The following ARFGEF2 variants were observed in gnomAD, a reference collection of about 807,000 sequenced individuals.
The protein encoded by ARFGEF2 is ARF guanine nucleotide exchange factor 2.
ARFGEF2 carries 74 observed loss-of-function variants against 219.9 expected under a neutral mutation model. That is an observed-to-expected ratio of 0.34 (90% CI 0.28 to 0.41). ARFGEF2 has a LOEUF of 0.41. ARFGEF2 is among the 10% of genes least tolerant of loss of function. The probability of loss-of-function intolerance (pLI) is 1.00; values close to 1 mark genes in which losing one functional copy is unlikely to be tolerated. For missense variants in ARFGEF2, 1,743 were observed against 2,218.3 expected, an observed-to-expected ratio of 0.79 and a Z score of 4.30; for synonymous variants, 733 against 799.2, an observed-to-expected ratio of 0.92 and a Z score of 1.40.
At chr20:48,965,623 T>C (rs983760898) in intron 7 of ARFGEF2, among the ~76,000 whole-genome samples, 10 of 152,334 alleles carry the variant, frequency 6.6e-5, no homozygotes, top group South Asian at 2.1e-4. Context: ...GGAGGCACCA[T>C]TGATCTGGAG....
chr20:48,978,142 A>G (rs2091273701), intron 14 of ARFGEF2, among the ~76,000 whole-genome samples: 1 of 152,144 alleles, frequency 6.6e-6, no homozygotes, highest in African/African-American at 2.4e-5. Flanking sequence ...TCCATCTTGA[A>G]TTAATTTTTG....
chr20:48,941,217 T>C lies in ARFGEF2; in HGVS notation c.140T>C (p.Ile47Thr), dbSNP rs752815154. The C allele has an allele frequency of 6.2e-7, 1 of 1,613,542 alleles. No homozygotes were observed. Among genetic ancestry groups the C allele is most frequent in the Non-Finnish European group, 8.5e-7 (1 of 1,179,656 alleles). ...TTACCAGATGAAATTAAAGCAGAAA[T>C]AGAAAAGCAGAGGTAAGCTATAGCA... ...QVALDEIKAE[I>T]EKQRLGTAAP... Residue 47 changes from isoleucine (I) to threonine (T), a missense_variant, in exon 2 of 39, where the codon ATA becomes ACA. Transcript: ENST00000371917.
chr20:49,007,736 T>C (rs1306249318), intron 26 of ARFGEF2, among the ~76,000 whole-genome samples: 1 of 152,128 alleles, frequency 6.6e-6, no homozygotes, highest in Non-Finnish European at 1.5e-5. Flanking sequence ...ATGTCTGCTT[T>C]ATTGCTCATT....
At chr20:49,006,381 G>A (rs1034841400) in intron 26 of ARFGEF2, among the ~76,000 whole-genome samples, 14 of 152,148 alleles carry the variant, frequency 9.2e-5, no homozygotes, top group Non-Finnish European at 1.6e-4. Context: ...TGGGCATACA[G>A]GAGTTCATTA....
intron 14 of ARFGEF2, among the ~76,000 whole-genome samples, chr20:48,977,856 C>A (rs1317466974): frequency 6.6e-6 from 1 of 152,030 alleles, no homozygotes; most frequent in Non-Finnish European, 1.5e-5. Context: ...TGTTTAAGTT[C>A]TTTGTAGATT....
intron 30 of ARFGEF2, 70 bp downstream of exon 30, chr20:49,014,030 T>G (rs1568738318): frequency 4.4e-6 from 7 of 1,599,372 alleles, no homozygotes; most frequent in Non-Finnish European, 4.3e-6. Context: ...TATTTGCCTC[T>G]GGGGGCTGCA....
Position 48,968,241 on chromosome 20 carries a change from C to T in ARFGEF2, c.1060-906C>T, listed in dbSNP as rs1478260845. 3.3e-5 allele frequency among the ~76,000 whole-genome samples: 5 copies of T among 152,196 alleles called. No homozygotes were observed. The East Asian group carries it at 9.6e-4, about 29-fold the overall frequency. On this transcript the variant is annotated intron_variant, in intron 8 of 38. Transcript: ENST00000371917. ...ATCTCCTGACCTCGTGATTCGCCCGCCTCAGCCTCCCAAAGTGCTGGGATT... is the reference window on the plus strand; with the variant it reads ...ATCTCCTGACCTCGTGATTCGCCCGTCTCAGCCTCCCAAAGTGCTGGGATT...
chr20:48,960,746 G>A (rs1163723662), intron 6 of ARFGEF2, among the ~76,000 whole-genome samples: 1 of 150,698 alleles, frequency 6.6e-6, no homozygotes, highest in East Asian at 2.0e-4. Context: ...GCCTCCCAAA[G>A]TGCTGGGATT....
Position 49,017,461 on chromosome 20 carries a change from C to T in ARFGEF2, c.4455-35C>T, listed in dbSNP as rs1568740131. On this transcript the variant is annotated intron_variant, in intron 32 of 38. Coordinates refer to ENST00000371917, the MANE Select transcript of ARFGEF2 (RefSeq NM_006420.3). ...TCTTAAAGCTCCTGATTGCCTTTCA[C>T]ATTGATTATTTTTTTTCTCTATTTT... 3.1e-6 allele frequency: 5 copies of T among 1,605,554 alleles called. No individual in the cohort carries two copies. In the Middle Eastern group the frequency reaches 5.0e-4, roughly 159 times the overall value.
At chr20:48,976,724 C>T (rs1600627336) in intron 14 of ARFGEF2, among the ~76,000 whole-genome samples, 1 of 152,034 alleles carries the variant, frequency 6.6e-6, no homozygotes, top group Admixed American at 6.6e-5. Context: ...AGGAGAATGG[C>T]GTGAACCTGG....
intron 1 of ARFGEF2, among the ~76,000 whole-genome samples, chr20:48,938,478 G>A (rs907654402): frequency 4.6e-5 from 7 of 152,040 alleles, no homozygotes; most frequent in African/African-American, 1.4e-4. Flanking sequence ...TATTTTTGAG[G>A]TGCATTGATA....
At chr20:48,986,031 C>T (rs1221635859) in intron 16 of ARFGEF2, among the ~76,000 whole-genome samples, 1 of 152,088 alleles carries the variant, frequency 6.6e-6, no homozygotes, top group Non-Finnish European at 1.5e-5. Flanking sequence ...ACAGAAATAG[C>T]TACATAACTA....
At chr20:49,005,337 A>G in intron 26 of ARFGEF2, 116 bp downstream of exon 26, 1 of 1,214,720 alleles carries the variant, frequency 8.2e-7, no homozygotes, top group Non-Finnish European at 1.2e-6. Context: ...GGAAACAAAT[A>G]GAATGAATAG....
At position 48,985,434 on chromosome 20, in the gene ARFGEF2, T is replaced by A. The variant is rs1378274144; in HGVS notation, c.2097T>A (p.Asp699Glu). ...DSTQVGDFLG[D>E]SARFNKEVMY... Reference sequence around the variant, plus strand: ...CCCAAGTAGGCGATTTTCTGGGAGATAGCGCAAGGTTCAACAAGGAGGTGA... The same window carrying A: ...CCCAAGTAGGCGATTTTCTGGGAGAAAGCGCAAGGTTCAACAAGGAGGTGA... The change falls in exon 16 of 39, where the codon GAT (aspartate) becomes GAA (glutamate). Residue 699 changes from aspartate (D) to glutamate (E), a missense_variant. By Grantham distance (45) the Asp-to-Glu change is conservative. Around this residue, in one of 5 missense-constraint regions of ARFGEF2, gnomAD observed 666 missense variants for 955.4 expected, o/e 0.70. Coordinates refer to ENST00000371917, the MANE Select transcript of ARFGEF2 (RefSeq NM_006420.3). 2.5e-6 allele frequency: 4 copies of A among 1,614,046 alleles called. No homozygotes were observed. In the East Asian group the frequency reaches 6.7e-5, roughly 27 times the overall value.
In ARFGEF2 at chr20:49,035,899, C is replaced by T. The variant is rs2091663626; in HGVS notation, c.*2700C>T. 3.0e-6 allele frequency: 1 copy of T among 337,330 alleles called. No individual in the cohort carries two copies. The highest frequency in any genetic ancestry group is 4.8e-5 in the Admixed American group (1 of 20,908). 20.9% of individuals were successfully genotyped at this position (337,330 alleles called of 1,614,324 possible). ...TCAAATATATCTTTTCCCTGTACTC[C>T]TCATGTACAACCAAAGAACATACAT... On this transcript the variant is annotated 3_prime_UTR_variant, in exon 39 of 39. Coordinates refer to ENST00000371917, the MANE Select transcript of ARFGEF2 (RefSeq NM_006420.3).
intron 14 of ARFGEF2, among the ~76,000 whole-genome samples, chr20:48,977,044 G>T (rs569083245): frequency 1.3e-4 from 19 of 151,524 alleles, no homozygotes; most frequent in African/African-American, 4.6e-4. Context: ...TTGTTACATA[G>T]GTATACATGT....
chr20:48,990,995 A>G, intron 20 of ARFGEF2, 45 bp from the exon 21 acceptor site: 16 of 1,598,552 alleles, frequency 1.0e-5, no homozygotes, highest in Non-Finnish European at 1.4e-5. Context: ...GAATGGCCAC[A>G]CTAAGGTTGG....
At chr20:49,032,214 G>A in intron 38 of ARFGEF2, 48 bp downstream of exon 38, 3 of 1,433,904 alleles carry the variant, frequency 2.1e-6, no homozygotes, top group Non-Finnish European at 2.9e-6. Flanking sequence ...CATAAAGTTT[G>A]GGTTGGCTTT....
chr20:48,941,800 G>A (rs1193759027), intron 2 of ARFGEF2, 64 bp from the exon 3 acceptor site: 1 of 1,611,328 alleles, frequency 6.2e-7, no homozygotes, highest in Non-Finnish European at 8.5e-7. Flanking sequence ...AGATGGAATG[G>A]GAAGTTAGAG....
Sources: gnomAD v4.1 joint callset for allele counts (sites outside exome capture counted in the v4.1 genomes callset) on GRCh38, gnomAD v4.1.1 for gene constraint, gnomAD v4.1.1 regional missense constraint, MANE v1.5 for transcripts, NCBI Gene and HGNC (gene_info 2026-07-23, HGNC 2026-07-21) for gene names.